The following MYO18A variants were observed in gnomAD, a reference collection of about 807,000 sequenced individuals.
MYO18A encodes the protein myosin XVIIIA, also known as unconventional myosin-XVIIIa.
In MYO18A, 78 loss-of-function variants were observed where a neutral mutation model predicts 235.8. The ratio of observed to expected loss-of-function variants is 0.33; its 90% CI spans 0.28 to 0.40. The LOEUF is 0.40. Among genes scored for constraint, MYO18A ranks in the 10% least tolerant of loss-of-function variants. The probability of loss-of-function intolerance (pLI) is 1.00; values close to 1 mark genes in which losing one functional copy is unlikely to be tolerated. For synonymous variants in MYO18A, 977 were observed against 1,077.8 expected (o/e 0.91, Z 1.83); for missense variants, 2,215 against 2,699.3 (o/e 0.82, Z 3.98).
At chr17:29,080,958 C>T (rs752604904) in intron 41 of MYO18A, 212 of 985,368 alleles carry the variant, frequency 2.2e-4, no homozygotes, top group Middle Eastern at 5.2e-4. Context: ...AGCTCACCAC[C>T]GAGGACGGCC....
intron 40 of MYO18A, among the ~76,000 whole-genome samples, chr17:29,085,041 C>T (rs991753833): frequency 6.6e-6 from 1 of 152,234 alleles, no homozygotes; most frequent in Non-Finnish European, 1.5e-5. Flanking sequence ...GTGTTCCCTT[C>T]CCCCGCCACG....
Position 29,140,486 on chromosome 17 carries a change from C to A in MYO18A, c.1000-18233G>T. 1 of 1,151,876 alleles carries A rather than the reference C, an allele frequency of 8.7e-7. No individual in the cohort carries two copies. The highest frequency in any genetic ancestry group is 1.6e-5 in the South Asian group (1 of 64,192). The allele number at this position is 1,151,876 out of a possible 1,614,324, so 71.4% of individuals were successfully genotyped here. A position where few individuals can be genotyped will look rare whatever the true frequency, so the allele number is the denominator to read the frequency against. The stretch of plus-strand genomic sequence containing the variant: ...GCCCCTCCCGTCCCGAGCTGCCCAG[C>A]CCTAGTTGGAGCCAGCAGCCCGGAG... On this transcript the variant is annotated intron_variant, in intron 2 of 41. Transcript: ENST00000527372. This position sits in a 1 kb window ranked among gnomAD's most constrained non-coding sequence, Gnocchi z 4.2.
chr17:29,093,929 G>A (rs2066460377), intron 31 of MYO18A, 51 bp downstream of exon 31: 1 of 1,350,846 alleles, frequency 7.4e-7, no homozygotes, highest in Non-Finnish European at 1.0e-6. Flanking sequence ...CTTTAAAGCG[G>A]TGATGGGAAC....
At chr17:29,081,111 A>C in intron 41 of MYO18A, 2 of 617,946 alleles carry the variant, frequency 3.2e-6, no homozygotes, top group Non-Finnish European at 4.0e-6. Flanking sequence ...TCAGAGAATA[A>C]AGACACAGGG....
rs114490661 is a variant in MYO18A, at chr17:29,122,106, G to A, written c.1087+60C>T. 3.8e-3 allele frequency: 5,954 copies of A among 1,564,966 alleles called. 194 individuals carry two copies. In the African/African-American group the frequency reaches 0.071, roughly 19 times the overall value. On this transcript the variant is annotated intron_variant, in intron 3 of 41. Transcript: ENST00000527372. ...CTCACCAGATGCAGAAGGCACATTC[G>A]CTGCCCAGCCCTGAGACCAGTGAGT...
chr17:29,166,444 T>C lies in MYO18A; in HGVS notation c.497A>G (p.Gln166Arg). The C allele has an allele frequency of 6.2e-7, 1 of 1,613,786 alleles. No individual in the cohort carries two copies. Among genetic ancestry groups the C allele is most frequent in the Non-Finnish European group, 8.5e-7 (1 of 1,179,870 alleles). Residue 166 changes from glutamine (Q) to arginine (R), a missense_variant, in exon 2 of 42, where the codon CAG becomes CGG. Physicochemically the swap from Gln to Arg is conservative, Grantham distance 43. Coordinates refer to ENST00000527372, the MANE Select transcript of MYO18A (RefSeq NM_078471.4). ...TCCCTCTAGAGTCCTCACCTCCACC[T>C]GTGGCGAGGGGGCGGCAGAGTGCTC... is the stretch of plus-strand genomic sequence containing the variant. Reference protein sequence around the residue: ...PSEHSAAPSPQVEVRTLEGQL... With the variant: ...PSEHSAAPSPRVEVRTLEGQL...
At chr17:29,081,453 G>A (rs542676288) in intron 41 of MYO18A, among the ~76,000 whole-genome samples, 8 of 152,192 alleles carry the variant, frequency 5.3e-5, no homozygotes, top group African/African-American at 1.7e-4. Context: ...CTGGTGAGGG[G>A]CCAGGCTTGG....
intron 3 of MYO18A, 78 bp from the exon 4 acceptor site, chr17:29,122,035 C>T (rs948196924): frequency 2.0e-6 from 3 of 1,532,494 alleles, no homozygotes; most frequent in Non-Finnish European, 2.7e-6. Flanking sequence ...CGGTCCTATC[C>T]TCCCCCCCAC....
chr17:29,094,223 C>T, intron 30 of MYO18A, 133 bp from the exon 31 acceptor site: 2 of 662,002 alleles, frequency 3.0e-6, no homozygotes, highest in South Asian at 1.9e-5. Flanking sequence ...GCACCTTGCT[C>T]CCGTGGCAGC....
At chr17:29,093,239 TG>T in intron 32 of MYO18A, 83 bp downstream of exon 32, 1 of 1,279,716 alleles carries the variant, frequency 7.8e-7, no homozygotes, top group South Asian at 1.3e-5. Context: ...GCTCTGTTCG[TG>T]GCTCCCCATC....
chr17:29,081,072 TGA>T (rs200948129), intron 41 of MYO18A: 3,970 of 835,182 alleles, frequency 4.8e-3, no homozygotes, highest in Non-Finnish European at 5.2e-3. Flanking sequence ...AGAGGGAGGT[TGA>T]GAGAGAGAGA....
In MYO18A at chr17:29,115,105, T is replaced by C. The variant is rs1465644528; in HGVS notation, c.2319-6A>G. On this transcript the variant is annotated splice_polypyrimidine_tract_variant and splice_region_variant and intron_variant, in intron 13 of 41. Transcript: ENST00000527372. Reference sequence around the variant, plus strand: ...GCTGGCTGGACTTGAGAGCCCTGGATAGGGACAGCCTGGGTCAGAGCCTCG... The same window carrying C: ...GCTGGCTGGACTTGAGAGCCCTGGACAGGGACAGCCTGGGTCAGAGCCTCG... 1.9e-6 allele frequency: 3 copies of C among 1,610,194 alleles called. No individual in the cohort carries two copies. The highest frequency in any genetic ancestry group is 1.3e-5 in the African/African-American group (1 of 74,842).
chr17:29,148,500 T>G (rs2067894828), intron 2 of MYO18A, among the ~76,000 whole-genome samples: 1 of 152,046 alleles, frequency 6.6e-6, no homozygotes, highest in Non-Finnish European at 1.5e-5. Context: ...CTAGGGCCAG[T>G]ACTAGAGTCT....
At chr17:29,133,499 C>T (rs2067523270) in intron 2 of MYO18A, among the ~76,000 whole-genome samples, 1 of 152,142 alleles carries the variant, frequency 6.6e-6, no homozygotes, top group East Asian at 1.9e-4. Flanking sequence ...GTCAAGGCAG[C>T]AGGGTGGTGG....
chr17:29,164,601 T>TC (rs1335687414), intron 2 of MYO18A, among the ~76,000 whole-genome samples: 9 of 152,238 alleles, frequency 5.9e-5, no homozygotes, highest in African/African-American at 2.2e-4. Context: ...ATCTGGCTGG[T>TC]CACTTAGTAC....
At chr17:29,170,178 C>T (rs997610832) in intron 1 of MYO18A, among the ~76,000 whole-genome samples, 3 of 152,188 alleles carry the variant, frequency 2.0e-5, no homozygotes, top group African/African-American at 4.8e-5. Context: ...AAGTTATTAA[C>T]CTTCTGCCAA....
In MYO18A at chr17:29,175,364, CT is replaced by C. The variant is rs34825590; in HGVS notation, c.-82+4948del. ...CATTTTTCTTCTACTTTTATTTCAT[CT>C]TTTTTTTTTTTTTTTTTGAGACAGG... is the stretch of plus-strand genomic sequence containing the variant. On this transcript the variant is annotated intron_variant, in intron 1 of 41. Transcript: ENST00000527372. 8.3e-3 allele frequency among the ~76,000 whole-genome samples: 1,103 copies of C among 132,986 alleles called. 5 individuals are homozygous for C. Among genetic ancestry groups the C allele is most frequent in the African/African-American group, 0.024 (840 of 35,648 alleles). 87.2% of individuals were successfully genotyped at this position (132,986 alleles called of 152,430 possible).
chr17:29,105,005 C>G (rs1482200745), intron 20 of MYO18A, among the ~76,000 whole-genome samples: 1 of 151,618 alleles, frequency 6.6e-6, no homozygotes, highest in Admixed American at 6.6e-5. Context: ...ATGGTGAAAC[C>G]CCATCTCTAC....
intron 1 of MYO18A, among the ~76,000 whole-genome samples, chr17:29,169,151 C>T (rs1039143479): frequency 2.6e-5 from 4 of 151,902 alleles, no homozygotes; most frequent in Admixed American, 6.5e-5. Context: ...CCAGGGTTCA[C>T]GCCATTCTCC....
Sources: gnomAD v4.1 joint callset for allele counts (sites outside exome capture counted in the v4.1 genomes callset) on GRCh38, gnomAD v4.1.1 for gene constraint, Gnocchi (gnomAD v3.1) non-coding constraint, MANE v1.5 for transcripts, NCBI Gene and HGNC (gene_info 2026-07-23, HGNC 2026-07-21) for gene names.